Variants in SLC4A10 observed in about 807,000 individuals in gnomAD.
SLC4A10 encodes the protein sodium-driven chloride bicarbonate exchanger.
In SLC4A10, 42 loss-of-function variants were observed where a neutral mutation model predicts 137.7. The ratio of observed to expected loss-of-function variants is 0.30; its 90% CI spans 0.24 to 0.39. The LOEUF is 0.39. Among genes scored for constraint, SLC4A10 ranks in the 10% least tolerant of loss-of-function variants. The probability of loss-of-function intolerance (pLI) is 1.00; values close to 1 mark genes in which losing one functional copy is unlikely to be tolerated. For synonymous variants in SLC4A10, 474 were observed against 464.1 expected, an observed-to-expected ratio of 1.02 and a Z score of -0.27; for missense variants, 925 against 1,355.0, an observed-to-expected ratio of 0.68 and a Z score of 4.98.
At chr2:161,940,932 T>A (rs1395489625) in intron 15 of SLC4A10, among the ~76,000 whole-genome samples, 2 of 152,092 alleles carry the variant, frequency 1.3e-5, no homozygotes, top group Non-Finnish European at 2.9e-5. Flanking sequence ...AACAAGACTC[T>A]GTCTATATTT....
At chr2:161,781,725 C>T (rs1281850189) in intron 2 of SLC4A10, among the ~76,000 whole-genome samples, 1 of 151,914 alleles carries the variant, frequency 6.6e-6, no homozygotes, top group Non-Finnish European at 1.5e-5. Flanking sequence ...AACCTTCGTC[C>T]CCACCACAAA....
intron 1 of SLC4A10, among the ~76,000 whole-genome samples, chr2:161,634,721 A>T (rs1017826114): frequency 2.2e-4 from 33 of 151,952 alleles, no homozygotes; most frequent in Non-Finnish European, 4.3e-4. Flanking sequence ...AACATTCAAA[A>T]TCCTTCTTTT....
chr2:161,778,487 A>T (rs545529512), intron 2 of SLC4A10, among the ~76,000 whole-genome samples: 48 of 152,044 alleles, frequency 3.2e-4, no homozygotes, highest in African/African-American at 1.2e-3. Flanking sequence ...CTGGATAGGT[A>T]CTAAAAAATG....
intron 1 of SLC4A10, among the ~76,000 whole-genome samples, chr2:161,645,441 A>C (rs1017983902): frequency 6.6e-6 from 1 of 152,082 alleles, no homozygotes; most frequent in Non-Finnish European, 1.5e-5. Context: ...AGAAATGTAC[A>C]GAAAAGACAA....
At chr2:161,675,203 C>T (rs1049477100) in intron 1 of SLC4A10, among the ~76,000 whole-genome samples, 4 of 152,200 alleles carry the variant, frequency 2.6e-5, no homozygotes, top group African/African-American at 7.2e-5. Flanking sequence ...TACCTGGTCA[C>T]TAACTTAATT....
intron 2 of SLC4A10, among the ~76,000 whole-genome samples, chr2:161,775,231 G>A (rs570653572): frequency 6.6e-6 from 1 of 151,874 alleles, no homozygotes; most frequent in South Asian, 2.1e-4. Context: ...ATCAGATGTG[G>A]GATCTTGGCT....
intron 3 of SLC4A10, among the ~76,000 whole-genome samples, chr2:161,837,208 C>T (rs901831610): frequency 6.6e-5 from 10 of 152,048 alleles, no homozygotes; most frequent in South Asian, 6.2e-4. Context: ...TGGAAAATTC[C>T]GTGGAACCTA....
intron 2 of SLC4A10, among the ~76,000 whole-genome samples, chr2:161,795,002 T>C (rs2054609782): frequency 6.6e-6 from 1 of 152,108 alleles, no homozygotes; most frequent in Non-Finnish European, 1.5e-5. Context: ...AGTTTCTGTA[T>C]GTCAATATAA....
intron 15 of SLC4A10, among the ~76,000 whole-genome samples, chr2:161,916,746 A>T (rs1036232653): frequency 1.3e-5 from 2 of 152,126 alleles, no homozygotes; most frequent in African/African-American, 4.8e-5. Context: ...TCTTTTTAAA[A>T]ATATTTTTTG....
intron 1 of SLC4A10, among the ~76,000 whole-genome samples, chr2:161,703,346 CATT>C (rs1559067834): frequency 6.6e-6 from 1 of 151,482 alleles, no homozygotes; most frequent in African/African-American, 2.4e-5. Context: ...AGCCATTAAA[CATT>C]ATGTTATAGA....
intron 1 of SLC4A10, among the ~76,000 whole-genome samples, chr2:161,654,011 A>G (rs2037173761): frequency 6.6e-6 from 1 of 152,214 alleles, no homozygotes; most frequent in Admixed American, 6.5e-5. Context: ...CTAACAGTGT[A>G]TAAGTGTCCA....
intron 1 of SLC4A10, among the ~76,000 whole-genome samples, chr2:161,639,538 A>T (rs990868499): frequency 6.6e-6 from 1 of 152,158 alleles, no homozygotes; most frequent in African/African-American, 2.4e-5. Flanking sequence ...GATCATCCCA[A>T]TAGATGCAGA....
At chr2:161,908,062 A>C (rs1684858167) in intron 15 of SLC4A10, among the ~76,000 whole-genome samples, 1 of 152,152 alleles carries the variant, frequency 6.6e-6, no homozygotes, top group South Asian at 2.1e-4. Context: ...AAGATTGGAA[A>C]AGCAAGGTCT....
chr2:161,872,418 CT>C, intron 7 of SLC4A10, 34 bp downstream of exon 7: 4 of 1,505,280 alleles, frequency 2.7e-6, no homozygotes, highest in Non-Finnish European at 3.7e-6. Flanking sequence ...AAGTAAGTTG[CT>C]AAATTACTAC....
chr2:161,859,694 G>A (rs866577034), intron 5 of SLC4A10, among the ~76,000 whole-genome samples: 4 of 144,346 alleles, frequency 2.8e-5, no homozygotes, highest in African/African-American at 5.2e-5. Flanking sequence ...TCCGCCTCCC[G>A]GGTTCACGCC....
chr2:161,935,955 A>C lies in SLC4A10; in HGVS notation c.1998-6837A>C, dbSNP rs186839354. On this transcript the variant is annotated intron_variant, in intron 15 of 26. Coordinates refer to ENST00000446997, the MANE Select transcript of SLC4A10 (RefSeq NM_001178015.2). ...TGTGGTCTTTATTGTGTTGGGGTAC[A>C]TTCCTTCTATGTTTAATTTCTGAGA... Among the ~76,000 whole-genome samples, 4 of 152,202 alleles carry C rather than the reference A, an allele frequency of 2.6e-5. No individual in the cohort carries two copies. The East Asian group carries it at 7.7e-4, about 29-fold the overall frequency.
At chr2:161,720,169 T>C (rs2045477726) in intron 1 of SLC4A10, among the ~76,000 whole-genome samples, 1 of 152,236 alleles carries the variant, frequency 6.6e-6, no homozygotes, top group Non-Finnish European at 1.5e-5. Context: ...CCCCATTGCT[T>C]GTTTTTCTCA....
intron 2 of SLC4A10, among the ~76,000 whole-genome samples, chr2:161,787,666 A>G (rs1280233215): frequency 6.6e-6 from 1 of 152,086 alleles, no homozygotes; most frequent in African/African-American, 2.4e-5. Context: ...TGAAAGACCA[A>G]TGTTTAAGCT....
At chr2:161,878,725 T>G (rs1016674127) in intron 8 of SLC4A10, among the ~76,000 whole-genome samples, 3 of 152,140 alleles carry the variant, frequency 2.0e-5, no homozygotes, top group African/African-American at 7.2e-5. Flanking sequence ...TAAGCATATT[T>G]GAGTATCAAT....
Sources: gnomAD v4.1 joint callset for allele counts (sites outside exome capture counted in the v4.1 genomes callset) on GRCh38, gnomAD v4.1.1 for gene constraint, MANE v1.5 for transcripts, NCBI Gene and HGNC (gene_info 2026-07-23, HGNC 2026-07-21) for gene names.